Variants in CSNK1G1 observed in about 807,000 individuals in gnomAD.
CSNK1G1 encodes the protein casein kinase I isoform gamma-1.
CSNK1G1 carries 22 observed loss-of-function variants against 59.6 expected under a neutral mutation model. That is an observed-to-expected ratio of 0.37 (90% CI 0.26 to 0.53). The LOEUF (loss-of-function observed/expected upper bound fraction) is 0.53. CSNK1G1 is among the 20% of genes least tolerant of loss of function. CSNK1G1 has a pLI of 0.89. For missense variants in CSNK1G1, 384 were observed against 519.5 expected, an observed-to-expected ratio of 0.74 and a Z score of 2.54; for synonymous variants, 179 against 177.1, an observed-to-expected ratio of 1.01 and a Z score of -0.08.
intron 2 of CSNK1G1, among the ~76,000 whole-genome samples, chr15:64,286,504 A>T (rs1566934176): frequency 6.6e-6 from 1 of 152,042 alleles, no homozygotes; most frequent in East Asian, 1.9e-4. Flanking sequence ...AATATATATA[A>T]GCTAATTATC....
At chr15:64,240,910 T>A (rs115880098) in intron 4 of CSNK1G1, among the ~76,000 whole-genome samples, 29 of 151,966 alleles carry the variant, frequency 1.9e-4, no homozygotes, top group Non-Finnish European at 8.8e-5. Flanking sequence ...TCAAACCGTA[T>A]CACTACAGAA....
At chr15:64,195,026 C>T (rs1190693185) in intron 10 of CSNK1G1, 1 of 152,206 alleles carries the variant, frequency 6.6e-6, no homozygotes, top group African/African-American at 2.4e-5. Flanking sequence ...CTTTACTGAT[C>T]TTTGATTCAT....
At chr15:64,292,865 T>C (rs1306839888) in intron 2 of CSNK1G1, among the ~76,000 whole-genome samples, 1 of 152,042 alleles carries the variant, frequency 6.6e-6, no homozygotes, top group Non-Finnish European at 1.5e-5. Flanking sequence ...GAGGCAGAGG[T>C]TGCAGTGAGC....
chr15:64,189,157 T>C (rs1447842581), intron 10 of CSNK1G1, among the ~76,000 whole-genome samples: 1 of 151,948 alleles, frequency 6.6e-6, no homozygotes, highest in Non-Finnish European at 1.5e-5. Flanking sequence ...ACAAAAAAAA[T>C]AGCTACATCG....
intron 4 of CSNK1G1, among the ~76,000 whole-genome samples, chr15:64,220,738 G>A (rs925447140): frequency 3.3e-5 from 5 of 151,746 alleles, no homozygotes; most frequent in Admixed American, 6.6e-5. Flanking sequence ...GTTTTTGGTA[G>A]AGATGAGATT....
intron 4 of CSNK1G1, among the ~76,000 whole-genome samples, chr15:64,233,080 C>T (rs2082569498): frequency 6.6e-6 from 1 of 152,182 alleles, no homozygotes; most frequent in Admixed American, 6.5e-5. Flanking sequence ...ACCTTACCTT[C>T]TATTTTTCAT....
intron 4 of CSNK1G1, among the ~76,000 whole-genome samples, chr15:64,245,068 C>A (rs965919368): frequency 1.3e-5 from 2 of 151,864 alleles, no homozygotes; most frequent in African/African-American, 4.8e-5. Flanking sequence ...TGAAACTAGA[C>A]CCCTATCTCT....
intron 4 of CSNK1G1, among the ~76,000 whole-genome samples, chr15:64,231,562 C>G (rs950573731): frequency 1.3e-5 from 2 of 151,502 alleles, no homozygotes; most frequent in African/African-American, 4.8e-5. Flanking sequence ...AAGAATATCT[C>G]TTTAATAAAT....
intron 4 of CSNK1G1, among the ~76,000 whole-genome samples, chr15:64,223,789 A>G (rs2082421502): frequency 6.6e-6 from 1 of 152,200 alleles, no homozygotes; most frequent in African/African-American, 2.4e-5. Context: ...TGATGTTATA[A>G]ACCCTGCCAG....
chr15:64,291,474 G>T (rs948483551), intron 2 of CSNK1G1, among the ~76,000 whole-genome samples: 1 of 152,120 alleles, frequency 6.6e-6, no homozygotes, highest in Non-Finnish European at 1.5e-5. Context: ...TGTAATCCCA[G>T]CTACTCAGAA....
chr15:64,181,409 C>T (rs1394772963), intron 10 of CSNK1G1: 2 of 1,532,532 alleles, frequency 1.3e-6, no homozygotes, highest in Admixed American at 2.0e-5. Context: ...GGACAAAACA[C>T]TCTGCTTGTT....
Position 64,316,259 on chromosome 15 carries a change from G to A in CSNK1G1, c.-224-15536C>T, listed in dbSNP as rs560155292. Among the ~76,000 whole-genome samples, 168 of 152,172 alleles carry A rather than the reference G, an allele frequency of 1.1e-3. 1 individual carries two copies. Among genetic ancestry groups the A allele is most frequent in the Non-Finnish European group, 7.1e-4 (48 of 67,998 alleles). On this transcript the variant is annotated intron_variant, in intron 1 of 11. Transcript: ENST00000303052. ...CAAACAGAAAAAGTTAATGCAGGTT[G>A]GGCTCGGTGGCTCACGCCTGTAATC...
At chr15:64,248,723 A>G (rs967109436) in intron 4 of CSNK1G1, among the ~76,000 whole-genome samples, 2 of 152,168 alleles carry the variant, frequency 1.3e-5, no homozygotes, top group Non-Finnish European at 2.9e-5. Context: ...GGCGGCTCAC[A>G]TCTGTAATCC....
chr15:64,191,764 A>G (rs909204449), intron 10 of CSNK1G1, among the ~76,000 whole-genome samples: 1 of 152,204 alleles, frequency 6.6e-6, no homozygotes, highest in African/African-American at 2.4e-5. Flanking sequence ...ACACTATACC[A>G]TACTACTGCC....
At chr15:64,232,134 A>T (rs2082558512) in intron 4 of CSNK1G1, among the ~76,000 whole-genome samples, 1 of 152,226 alleles carries the variant, frequency 6.6e-6, no homozygotes. Flanking sequence ...AAAATGTTAA[A>T]AGTGTGTTAG....
At chr15:64,198,746 C>T (rs538152906) in intron 10 of CSNK1G1, among the ~76,000 whole-genome samples, 1 of 147,312 alleles carries the variant, frequency 6.8e-6, no homozygotes, top group Non-Finnish European at 1.5e-5. Flanking sequence ...AAAAAAAGGG[C>T]ATAAGAAAAC....
At chr15:64,282,577 A>G (rs1039573783) in intron 2 of CSNK1G1, among the ~76,000 whole-genome samples, 1 of 152,182 alleles carries the variant, frequency 6.6e-6, no homozygotes, top group Admixed American at 6.5e-5. Context: ...TCTTTTTGTT[A>G]CTGGATCTGT....
intron 2 of CSNK1G1, among the ~76,000 whole-genome samples, chr15:64,284,452 G>A (rs1894302494): frequency 6.6e-6 from 1 of 151,938 alleles, no homozygotes; most frequent in Admixed American, 6.6e-5. Context: ...CCATGAATGT[G>A]GAATGTCTTA....
intron 2 of CSNK1G1, among the ~76,000 whole-genome samples, chr15:64,279,325 C>A (rs578218938): frequency 6.6e-6 from 1 of 152,250 alleles, no homozygotes; most frequent in East Asian, 1.9e-4. Context: ...GTTTTGACTG[C>A]TATTGTAGGA....
Sources: gnomAD v4.1 joint callset for allele counts (sites outside exome capture counted in the v4.1 genomes callset) on GRCh38, gnomAD v4.1.1 for gene constraint, MANE v1.5 for transcripts, NCBI Gene and HGNC (gene_info 2026-07-23, HGNC 2026-07-21) for gene names.